PPIL6: variants seen among roughly 807,000 people sequenced by gnomAD.
PPIL6 encodes peptidylprolyl isomerase like 6.
A neutral mutation model predicts 36.8 loss-of-function variants in PPIL6; 39 were observed. The observed-to-expected ratio is 1.06, with a 90% CI of 0.82 to 1.38. PPIL6 has a LOEUF of 1.38. Ranked by LOEUF, PPIL6 falls within the 40% of genes most tolerant of loss-of-function variation. The pLI is 0.00. For synonymous variants in PPIL6, 123 were observed against 134.1 expected (o/e 0.92, Z 0.57); for missense variants, 368 against 379.1 (o/e 0.97, Z 0.24).
At position 109,426,848 on chromosome 6, in the gene PPIL6, C is replaced by T. The variant is rs1442609777; in HGVS notation, c.630G>A (p.Gly210=). The change falls in exon 5 of 8, where the codon GGG becomes GGA. Residue 210 remains glycine, a splice_region_variant and synonymous_variant. Transcript: ENST00000521072. ...TCGTATTTAAGATTTTAAACTTACC[C>T]CCTCCTTGTATCCAGCCATTCTGTA... ...RIVQNGWIQG[G]DIVYGKGDNG... The T allele has an allele frequency of 3.3e-6, 5 of 1,512,124 alleles. No individual in the cohort carries two copies. In the East Asian group the frequency reaches 9.2e-5, roughly 28 times the overall value. The allele number at this position is 1,512,124 out of a possible 1,614,324, so 93.7% of individuals were successfully genotyped here. A position where few individuals can be genotyped will look rare whatever the true frequency, so the allele number is the denominator to read the frequency against.
intron 6 of PPIL6, among the ~76,000 whole-genome samples, chr6:109,407,768 A>T (rs1772862227): frequency 6.6e-6 from 1 of 152,060 alleles, no homozygotes. Context: ...GTATATATTC[A>T]TTTTCTTCTA....
intron 6 of PPIL6, among the ~76,000 whole-genome samples, chr6:109,407,742 T>C (rs183434786): frequency 6.6e-6 from 1 of 152,324 alleles, no homozygotes; most frequent in Admixed American, 6.5e-5. Flanking sequence ...CTGAGAATAG[T>C]TAAAAAATAA....
At chr6:109,437,829 C>T (rs949226300) in intron 1 of PPIL6, among the ~76,000 whole-genome samples, 1 of 152,126 alleles carries the variant, frequency 6.6e-6, no homozygotes, top group Non-Finnish European at 1.5e-5. Context: ...CTCAGCCTCC[C>T]GAAGTGCTGG....
Position 109,440,498 on chromosome 6 carries a change from G to T in PPIL6, c.93C>A (p.Leu31=), listed in dbSNP as rs1168531457. The change falls in exon 1 of 8, where the codon CTC becomes CTA. Residue 31 remains leucine (L), a synonymous_variant. Transcript: ENST00000521072. ...CAATCTGAAAGTTGGGGCAGCTGAA[G>T]AGCCCCACCACCTTCACCTGCAGCG... ...ERPLQVKVVG[L]FSCPNFQIAK... The T allele has an allele frequency of 6.5e-7, 1 of 1,538,918 alleles. No homozygotes were observed. Among genetic ancestry groups the T allele is most frequent in the South Asian group, 1.2e-5 (1 of 83,030 alleles).
intron 5 of PPIL6, among the ~76,000 whole-genome samples, chr6:109,419,658 G>A (rs894974367): frequency 9.2e-5 from 14 of 152,050 alleles, no homozygotes; most frequent in African/African-American, 3.1e-4. Context: ...AGGAGGTGGA[G>A]GTTGCGGTGA....
At chr6:109,399,037 C>T (rs981378615) in intron 7 of PPIL6, among the ~76,000 whole-genome samples, 2 of 151,538 alleles carry the variant, frequency 1.3e-5, no homozygotes, top group African/African-American at 2.4e-5. Flanking sequence ...GCAATCCTCC[C>T]ACCGAAACTT....
intron 1 of PPIL6, among the ~76,000 whole-genome samples, chr6:109,437,097 T>C (rs147250959): frequency 5.9e-5 from 9 of 152,270 alleles, no homozygotes; most frequent in Admixed American, 1.3e-4. Flanking sequence ...TAGTTTGACA[T>C]AGATTGTCTG....
chr6:109,407,478 A>G (rs1323792257), intron 6 of PPIL6, among the ~76,000 whole-genome samples: 1 of 152,076 alleles, frequency 6.6e-6, no homozygotes, highest in Non-Finnish European at 1.5e-5. Flanking sequence ...TGACCTCGTG[A>G]TCTGCCCGCC....
intron 6 of PPIL6, among the ~76,000 whole-genome samples, chr6:109,418,940 T>C (rs1454279138): frequency 6.6e-6 from 1 of 152,182 alleles, no homozygotes; most frequent in Non-Finnish European, 1.5e-5. Context: ...CCTTTGACTC[T>C]ACAATCCTAA....
At chr6:109,438,872 C>T (rs543464666) in intron 1 of PPIL6, among the ~76,000 whole-genome samples, 2 of 152,312 alleles carry the variant, frequency 1.3e-5, no homozygotes, top group South Asian at 4.1e-4. Flanking sequence ...TAGGCAAGAG[C>T]CACCGCGCTC....
At chr6:109,415,307 G>C (rs1021265792) in intron 6 of PPIL6, among the ~76,000 whole-genome samples, 14 of 152,160 alleles carry the variant, frequency 9.2e-5, no homozygotes, top group African/African-American at 3.4e-4. Flanking sequence ...TGTTGTAAAA[G>C]AAGTCAAAAG....
intron 2 of PPIL6, among the ~76,000 whole-genome samples, chr6:109,432,525 CTG>C (rs1344617505): frequency 6.6e-6 from 1 of 152,168 alleles, no homozygotes; most frequent in Admixed American, 6.5e-5. Context: ...ATCACTGAAT[CTG>C]AGATTCTCAT....
chr6:109,407,590 C>T (rs1020784107), intron 6 of PPIL6, among the ~76,000 whole-genome samples: 32 of 152,070 alleles, frequency 2.1e-4, no homozygotes, highest in African/African-American at 7.7e-4. Flanking sequence ...TTCTTTCTTC[C>T]ACATTGAGAA....
chr6:109,426,937 T>C lies in PPIL6; in HGVS notation c.541A>G (p.Lys181Glu), dbSNP rs1773847343. Residue 181 changes from lysine to glutamate, a missense_variant, in exon 5 of 8, where the codon AAA becomes GAA. Physicochemically the swap from Lys to Glu is moderately conservative, Grantham distance 56. Coordinates refer to ENST00000521072, the MANE Select transcript of PPIL6 (RefSeq NM_173672.5). ...ATGCCACGTTGAGAAAACCCTGCTT[T>C]TCCTGTGCACAAGACCTGAAAATTT... ...CKNFQVLCTGKAGFSQRGIRL... is the reference protein window; with the variant it reads ...CKNFQVLCTGEAGFSQRGIRL... 6.2e-7 allele frequency: 1 copy of C among 1,608,628 alleles called. No individual in the cohort carries two copies. Among genetic ancestry groups the C allele is most frequent in the Non-Finnish European group, 8.5e-7 (1 of 1,175,766 alleles).
At position 109,409,192 on chromosome 6, in the gene PPIL6, T is replaced by G. The variant is rs550839400; in HGVS notation, c.689-9022A>C. Among the ~76,000 whole-genome samples the G allele has an allele frequency of 3.9e-5, 6 of 152,242 alleles. No individual in the cohort carries two copies. The South Asian group carries it at 1.2e-3, about 32-fold the overall frequency. ...TCATGATTAAAAACCCTCAAAAGAC[T>G]GGGTATAGTTCTCCTAGTACTATGT... On this transcript the variant is annotated intron_variant, in intron 6 of 7. Coordinates refer to ENST00000521072, the MANE Select transcript of PPIL6 (RefSeq NM_173672.5).
intron 5 of PPIL6, among the ~76,000 whole-genome samples, chr6:109,425,971 T>C (rs1409830934): frequency 6.6e-6 from 1 of 152,208 alleles, no homozygotes; most frequent in Non-Finnish European, 1.5e-5. Context: ...ACATTTTGTA[T>C]GTTTATGTTC....
intron 6 of PPIL6, among the ~76,000 whole-genome samples, chr6:109,407,019 T>C (rs1214631302): frequency 6.6e-6 from 1 of 152,184 alleles, no homozygotes; most frequent in African/African-American, 2.4e-5. Flanking sequence ...AGGCTCATTT[T>C]GTAGATTTCC....
chr6:109,408,028 A>T (rs1772871954), intron 6 of PPIL6, among the ~76,000 whole-genome samples: 1 of 152,146 alleles, frequency 6.6e-6, no homozygotes, highest in Admixed American at 6.5e-5. Flanking sequence ...TTGTGTGTCA[A>T]GGTCTCTCTT....
intron 1 of PPIL6, among the ~76,000 whole-genome samples, chr6:109,439,548 G>C (rs1425150557): frequency 6.6e-6 from 1 of 152,104 alleles, no homozygotes; most frequent in South Asian, 2.1e-4. Context: ...GTAGAAACGG[G>C]GTTTCACCAT....
Sources: allele counts gnomAD v4.1 joint callset (sites outside exome capture counted in the v4.1 genomes callset), GRCh38; gene constraint gnomAD v4.1.1; transcripts MANE v1.5; gene names NCBI Gene and HGNC (gene_info 2026-07-23, HGNC 2026-07-21).